The following ALDH1A2 variants were observed in gnomAD, a reference collection of about 807,000 sequenced individuals.
ALDH1A2 encodes aldehyde dehydrogenase 1 family member A2, also known as retinal dehydrogenase 2.
Under a neutral mutation model 60.3 loss-of-function variants are expected in ALDH1A2, and 27 were observed. The ratio of observed to expected loss-of-function variants is 0.45; its 90% CI spans 0.33 to 0.62. ALDH1A2 has a LOEUF of 0.62. Ranked by LOEUF, ALDH1A2 falls within the 20% of genes least tolerant of loss-of-function variation. The pLI is 0.02. For synonymous variants in ALDH1A2, 289 were observed against 232.4 expected (o/e 1.24, Z -2.21); for missense variants, 581 against 643.8 (o/e 0.90, Z 1.06).
intron 4 of ALDH1A2, among the ~76,000 whole-genome samples, chr15:57,995,605 G>C (rs1412933793): frequency 6.6e-6 from 1 of 152,052 alleles, no homozygotes; most frequent in African/African-American, 2.4e-5. Flanking sequence ...AAAAAGTGAG[G>C]AGTAAAAGAT....
chr15:58,037,777 C>CA (rs756020334), intron 1 of ALDH1A2, among the ~76,000 whole-genome samples: 12 of 151,656 alleles, frequency 7.9e-5, no homozygotes, highest in Non-Finnish European at 1.3e-4. Flanking sequence ...CCAAAAGGTT[C>CA]TAAGAAGCCA....
At chr15:58,022,995 A>G in intron 1 of ALDH1A2, among the ~76,000 whole-genome samples, 1 of 152,228 alleles carries the variant, frequency 6.6e-6, no homozygotes, top group East Asian at 1.9e-4. Flanking sequence ...CCATCAACAG[A>G]TCTTAATCAG....
chr15:57,962,355 T>A (rs1402803870), intron 9 of ALDH1A2, among the ~76,000 whole-genome samples, 179 bp from the exon 10 acceptor site: 2 of 152,232 alleles, frequency 1.3e-5, no homozygotes, highest in African/African-American at 4.8e-5. Flanking sequence ...CAATTTTGTA[T>A]GGTTAATCCT....
intron 7 of ALDH1A2, among the ~76,000 whole-genome samples, chr15:57,982,700 G>C (rs1566937211): frequency 6.6e-6 from 1 of 152,176 alleles, no homozygotes; most frequent in Non-Finnish European, 1.5e-5. Context: ...GCATAGTTTT[G>C]TAGATGGACA....
chr15:57,970,940 G>C (rs1216575564), intron 7 of ALDH1A2, among the ~76,000 whole-genome samples: 1 of 152,128 alleles, frequency 6.6e-6, no homozygotes, highest in Non-Finnish European at 1.5e-5. Flanking sequence ...TTGTCTTTCT[G>C]AAGTACCCAG....
chr15:58,007,930 C>T (rs1417646157), intron 4 of ALDH1A2, among the ~76,000 whole-genome samples: 2 of 151,920 alleles, frequency 1.3e-5, no homozygotes, highest in African/African-American at 2.4e-5. Flanking sequence ...ATTACGATAC[C>T]CCTTTCTGTG....
chr15:58,049,687 C>T (rs1595690661), intron 1 of ALDH1A2, among the ~76,000 whole-genome samples: 1 of 152,024 alleles, frequency 6.6e-6, no homozygotes, highest in Non-Finnish European at 1.5e-5. Context: ...GATCACTACC[C>T]ACTTCTGACA....
At chr15:57,963,122 C>G (rs376139923) in intron 9 of ALDH1A2, among the ~76,000 whole-genome samples, 19 of 152,130 alleles carry the variant, frequency 1.2e-4, no homozygotes, top group African/African-American at 4.1e-4. Context: ...TCTGTCCAGA[C>G]TGGTTCAGGC....
intron 3 of ALDH1A2, among the ~76,000 whole-genome samples, chr15:58,012,392 G>C (rs1895658984): frequency 6.6e-6 from 1 of 152,098 alleles, no homozygotes; most frequent in Admixed American, 6.6e-5. Flanking sequence ...TAATTCTCAA[G>C]AAAATGATAA....
Position 58,057,916 on chromosome 15 carries a change from C to A in ALDH1A2, c.117+7618G>T, listed in dbSNP as rs1206276112. On this transcript the variant is annotated intron_variant, in intron 1 of 12. Coordinates refer to ENST00000249750, the MANE Select transcript of ALDH1A2 (RefSeq NM_003888.4). ...TGGCTACAGCCAAAAATAAAAATGACCCTGAGATAATAAAAATTAAAATTA... is the reference window on the plus strand; with the variant it reads ...TGGCTACAGCCAAAAATAAAAATGAACCTGAGATAATAAAAATTAAAATTA... 6 of 589,248 alleles carry A rather than the reference C, an allele frequency of 1.0e-5. No homozygotes were observed. The African/African-American group carries it at 1.2e-4, about 12-fold the overall frequency. The allele number at this position is 589,248 out of a possible 1,614,324, so 36.5% of individuals were successfully genotyped here.
In ALDH1A2 at chr15:58,054,744, A is replaced by G. The variant is rs150764411; in HGVS notation, c.117+10790T>C. Among the ~76,000 whole-genome samples the G allele has an allele frequency of 3.2e-3, 488 of 152,238 alleles. 3 individuals are homozygous for G. The highest frequency in any genetic ancestry group is 0.011 in the African/African-American group (461 of 41,544). Reference sequence around the variant, plus strand: ...ATCTTAACAGCCATAAAAAAAGAAAACACTTTTTGAATGCAAACAAAACAG... The same window carrying G: ...ATCTTAACAGCCATAAAAAAAGAAAGCACTTTTTGAATGCAAACAAAACAG... On this transcript the variant is annotated intron_variant, in intron 1 of 12. Coordinates refer to ENST00000249750, the MANE Select transcript of ALDH1A2 (RefSeq NM_003888.4).
In ALDH1A2 at chr15:58,000,479, C is replaced by T. The variant is rs150898080; in HGVS notation, c.494-5340G>A. 1.7e-3 allele frequency among the ~76,000 whole-genome samples: 262 copies of T among 152,072 alleles called. 1 individual carries two copies. The highest frequency in any genetic ancestry group is 2.7e-3 in the Non-Finnish European group (185 of 67,918). The stretch of plus-strand genomic sequence containing the variant: ...CATTTCCAAGTATCATTTGCTCTGT[C>T]ATTTACTTAATTTCTGTTAAATTAA... On this transcript the variant is annotated intron_variant, in intron 4 of 12. Coordinates refer to ENST00000249750, the MANE Select transcript of ALDH1A2 (RefSeq NM_003888.4).
chr15:58,038,975 A>G (rs1412330041), intron 1 of ALDH1A2, among the ~76,000 whole-genome samples: 1 of 151,778 alleles, frequency 6.6e-6, no homozygotes, highest in Non-Finnish European at 1.5e-5. Context: ...TTACACTTAA[A>G]TCATTCACTC....
intron 1 of ALDH1A2, chr15:58,014,511 C>T (rs1426056592): frequency 1.7e-6 from 1 of 577,854 alleles, no homozygotes; most frequent in Non-Finnish European, 3.3e-6. Flanking sequence ...TTTCATGAAC[C>T]TGTCAACTAA....
At chr15:58,045,497 A>T (rs1204234724) in intron 1 of ALDH1A2, among the ~76,000 whole-genome samples, 1 of 152,128 alleles carries the variant, frequency 6.6e-6, no homozygotes, top group African/African-American at 2.4e-5. Flanking sequence ...ACCAACCCAA[A>T]TGTCCATCAA....
At position 57,962,003 on chromosome 15, in the gene ALDH1A2, A is replaced by G; in HGVS notation, c.1251+9T>C. 1 of 1,614,170 alleles carries G rather than the reference A, an allele frequency of 6.2e-7. No homozygotes were observed. The highest frequency in any genetic ancestry group is 8.5e-7 in the Non-Finnish European group (1 of 1,179,994). On this transcript the variant is annotated intron_variant, in intron 10 of 12. Transcript: ENST00000249750. ...GATGTGGCTTTTGTAAGAACAGCAT[A>G]TTTGATACCTCCTCCTTGGCAATCC...
chr15:57,987,253 AAAG>A (rs1278244535), intron 7 of ALDH1A2, among the ~76,000 whole-genome samples: 4 of 152,184 alleles, frequency 2.6e-5, no homozygotes, highest in African/African-American at 9.7e-5. Context: ...AGCAAAAAAA[AAAG>A]ATTTGAAAAA....
At chr15:57,991,322 TAAACTGC>T (rs1470253593) in intron 7 of ALDH1A2, 1 of 152,222 alleles carries the variant, frequency 6.6e-6, no homozygotes, top group Non-Finnish European at 1.5e-5. Flanking sequence ...AATATTTCAT[TAAACTGC>T]AAAATTACAA....
chr15:57,964,884 T>G (rs1350394257), intron 8 of ALDH1A2: 3 of 152,172 alleles, frequency 2.0e-5, no homozygotes, highest in Non-Finnish European at 2.9e-5. Context: ...TCTTGACAAC[T>G]AATATAAAGC....
Sources: allele counts gnomAD v4.1 joint callset (sites outside exome capture counted in the v4.1 genomes callset), GRCh38; gene constraint gnomAD v4.1.1; transcripts MANE v1.5; gene names NCBI Gene and HGNC (gene_info 2026-07-23, HGNC 2026-07-21).